PTCHD4: variants seen among roughly 807,000 people sequenced by gnomAD.
The protein encoded by PTCHD4 is patched domain-containing protein 4.
In PTCHD4, 33 loss-of-function variants were observed where a neutral mutation model predicts 58.1. The ratio of observed to expected loss-of-function variants is 0.57; its 90% confidence interval spans 0.43 to 0.76. The LOEUF (loss-of-function observed/expected upper bound fraction) is 0.76. Ranked by LOEUF, PTCHD4 falls within the 30% of genes least tolerant of loss-of-function variation. The pLI, the probability that PTCHD4 is intolerant of heterozygous loss-of-function variation, is 0.00. For synonymous variants in PTCHD4, 478 were observed against 409.6 expected, an observed-to-expected ratio of 1.17 and a Z score of -2.02; for missense variants, 1,058 against 1,027.1, an observed-to-expected ratio of 1.03 and a Z score of -0.41.
intron 3 of PTCHD4, among the ~76,000 whole-genome samples, chr6:48,028,000 G>A (rs1161979871): frequency 1.3e-5 from 2 of 152,032 alleles, no homozygotes; most frequent in African/African-American, 4.8e-5. Flanking sequence ...GGGGTATAGT[G>A]GTGCGATCTC....
At chr6:48,066,335 T>C (rs903778722) in intron 3 of PTCHD4, among the ~76,000 whole-genome samples, 5 of 152,116 alleles carry the variant, frequency 3.3e-5, no homozygotes, top group African/African-American at 1.2e-4. Context: ...ATCTCCTCAG[T>C]GGCTGATTGA....
chr6:47,947,537 A>T (rs866569343), intron 4 of PTCHD4, among the ~76,000 whole-genome samples: 2 of 151,896 alleles, frequency 1.3e-5, no homozygotes, highest in African/African-American at 4.8e-5. Flanking sequence ...TTTTACCCTT[A>T]TTCAAAAGAG....
chr6:47,997,692 A>G (rs1293580564), intron 4 of PTCHD4, among the ~76,000 whole-genome samples: 2 of 152,198 alleles, frequency 1.3e-5, no homozygotes. Flanking sequence ...GGTCTGGATT[A>G]AGACATTACT....
chr6:47,872,199 TAA>T lies in PTCHD4; in HGVS notation c.*6102_*6103del, dbSNP rs1763730683. On this transcript the variant is annotated 3_prime_UTR_variant, in exon 5 of 5. Coordinates refer to ENST00000339488, the MANE Select transcript of PTCHD4 (RefSeq NM_001384253.1). ...CTGTAGACTGCCGCTACTGAGAATA[TAA>T]GTTAAATTTATATAGCACTGAAAAG... Among the ~76,000 whole-genome samples the T allele has an allele frequency of 1.3e-5, 2 of 151,748 alleles. No individual in the cohort carries two copies. Among genetic ancestry groups the T allele is most frequent in the African/African-American group, 4.8e-5 (2 of 41,486 alleles).
At chr6:47,891,473 A>G (rs1315419461) in intron 4 of PTCHD4, among the ~76,000 whole-genome samples, 4 of 152,092 alleles carry the variant, frequency 2.6e-5, no homozygotes, top group African/African-American at 9.7e-5. Flanking sequence ...ACATTGCCCA[A>G]AACGTAAAAT....
intron 4 of PTCHD4, among the ~76,000 whole-genome samples, chr6:47,954,313 C>T (rs1321649037): frequency 2.6e-5 from 4 of 152,148 alleles, no homozygotes; most frequent in African/African-American, 9.7e-5. Flanking sequence ...GCTGAGATTG[C>T]ACCACTGCAC....
intron 4 of PTCHD4, among the ~76,000 whole-genome samples, chr6:47,924,543 T>C (rs2113892511): frequency 6.6e-6 from 1 of 152,192 alleles, no homozygotes; most frequent in Middle Eastern, 3.4e-3. Context: ...ATCTCATTTG[T>C]AAAATGAGGA....
Position 47,866,883 on chromosome 6 carries a change from T to G in PTCHD4, c.*11420A>C, listed in dbSNP as rs1763579240. On this transcript the variant is annotated 3_prime_UTR_variant, in exon 5 of 5. Transcript: ENST00000339488. ...AATAGTTTTAAGCATTTTAACAAACTCATTGTCTTAAAATTTACATTTAGA... is the reference window on the plus strand; with the variant it reads ...AATAGTTTTAAGCATTTTAACAAACGCATTGTCTTAAAATTTACATTTAGA... 2.0e-5 allele frequency among the ~76,000 whole-genome samples: 3 copies of G among 151,880 alleles called. No individual in the cohort carries two copies. The highest frequency in any genetic ancestry group is 7.2e-5 in the African/African-American group (3 of 41,422).
intron 3 of PTCHD4, among the ~76,000 whole-genome samples, chr6:48,037,928 T>G (rs891531135): frequency 1.4e-4 from 21 of 151,916 alleles, no homozygotes; most frequent in African/African-American, 5.1e-4. Context: ...AAAGTTCCTT[T>G]TATTTGTTAT....
At chr6:47,928,403 G>GCC (rs1309970651) in intron 4 of PTCHD4, among the ~76,000 whole-genome samples, 5 of 152,306 alleles carry the variant, frequency 3.3e-5, no homozygotes, top group Non-Finnish European at 7.3e-5. Context: ...AAAGGCAGGG[G>GCC]CCTTGGACAG....
intron 3 of PTCHD4, among the ~76,000 whole-genome samples, chr6:48,030,866 C>T (rs1408004113): frequency 2.0e-5 from 3 of 151,870 alleles, no homozygotes; most frequent in African/African-American, 7.3e-5. Context: ...TAGAAATATC[C>T]CTAATTAAAT....
intron 3 of PTCHD4, among the ~76,000 whole-genome samples, chr6:48,055,520 C>G (rs1467001224): frequency 1.3e-5 from 2 of 152,082 alleles, no homozygotes; most frequent in Non-Finnish European, 2.9e-5. Flanking sequence ...AAGAGATACT[C>G]TAATAAGATG....
At chr6:47,915,743 AC>A (rs1308720088) in intron 4 of PTCHD4, among the ~76,000 whole-genome samples, 1 of 152,076 alleles carries the variant, frequency 6.6e-6, no homozygotes, top group Non-Finnish European at 1.5e-5. Context: ...ATAGACTAGG[AC>A]TTTTTGCATT....
intron 3 of PTCHD4, among the ~76,000 whole-genome samples, chr6:48,046,647 T>A (rs1764046003): frequency 6.6e-6 from 1 of 151,890 alleles, no homozygotes; most frequent in Non-Finnish European, 1.5e-5. Flanking sequence ...AACAGCTTTC[T>A]CAATTGTTCT....
At chr6:47,926,455 A>G (rs938542153) in intron 4 of PTCHD4, among the ~76,000 whole-genome samples, 3 of 152,222 alleles carry the variant, frequency 2.0e-5, no homozygotes, top group Admixed American at 2.0e-4. Context: ...ATTGCTACTC[A>G]AAGTGTGTTC....
At chr6:47,946,320 A>G (rs1273085827) in intron 4 of PTCHD4, among the ~76,000 whole-genome samples, 1 of 152,116 alleles carries the variant, frequency 6.6e-6, no homozygotes, top group African/African-American at 2.4e-5. Flanking sequence ...GTAAATTTTT[A>G]ATTTATTTTC....
chr6:48,038,592 A>T (rs1336866637), intron 3 of PTCHD4, among the ~76,000 whole-genome samples: 1 of 150,700 alleles, frequency 6.6e-6, no homozygotes, highest in Non-Finnish European at 1.5e-5. Context: ...GTGAGCCAAG[A>T]TCATGGCACT....
At chr6:47,925,752 G>A (rs114700233) in intron 4 of PTCHD4, among the ~76,000 whole-genome samples, 2,754 of 152,064 alleles carry the variant, frequency 0.018, 70 homozygotes, top group African/African-American at 0.059. Flanking sequence ...CCCTTTCTTC[G>A]CTTCTGGTCA....
At position 47,868,850 on chromosome 6, in the gene PTCHD4, A is replaced by G. The variant is rs1763643230; in HGVS notation, c.*9453T>C. Among the ~76,000 whole-genome samples, 1 of 151,802 alleles carries G rather than the reference A, an allele frequency of 6.6e-6. No individual in the cohort carries two copies. The highest frequency in any genetic ancestry group is 1.9e-4 in the East Asian group (1 of 5,148). ...CATATTTAAAGGAAAAAAGCAGAATAAAATTAATAATTAAAATACTAAATT... is the reference window on the plus strand; with the variant it reads ...CATATTTAAAGGAAAAAAGCAGAATGAAATTAATAATTAAAATACTAAATT... On this transcript the variant is annotated 3_prime_UTR_variant, in exon 5 of 5. Coordinates refer to ENST00000339488, the MANE Select transcript of PTCHD4 (RefSeq NM_001384253.1).
Sources: gnomAD v4.1 joint callset for allele counts (sites outside exome capture counted in the v4.1 genomes callset) on GRCh38, gnomAD v4.1.1 for gene constraint, MANE v1.5 for transcripts, NCBI Gene and HGNC (gene_info 2026-07-23, HGNC 2026-07-21) for gene names.